COL21A1: variants seen among roughly 807,000 people sequenced by gnomAD.
COL21A1 encodes collagen type XXI alpha 1 chain.
A neutral mutation model predicts 137.9 loss-of-function variants in COL21A1; 149 were observed. That is an observed-to-expected ratio of 1.08 (90% CI 0.95 to 1.24). The LOEUF (loss-of-function observed/expected upper bound fraction) is 1.24. COL21A1 is among the 50% of genes most tolerant of loss of function. The probability of loss-of-function intolerance (pLI) is 0.00; values close to 1 mark genes in which losing one functional copy is unlikely to be tolerated. For missense variants in COL21A1, 1,167 were observed against 1,158.4 expected, an observed-to-expected ratio of 1.01 and a Z score of -0.11; for synonymous variants, 456 against 391.5, an observed-to-expected ratio of 1.16 and a Z score of -1.95.
chr6:56,093,574 G>T (rs913531599), intron 17 of COL21A1, among the ~76,000 whole-genome samples: 2 of 152,126 alleles, frequency 1.3e-5, no homozygotes, highest in Admixed American at 1.3e-4. Flanking sequence ...AATTCCATCA[G>T]ATTTCATGAC....
intron 1 of COL21A1, among the ~76,000 whole-genome samples, chr6:56,340,961 T>C (rs953411227): frequency 6.6e-6 from 1 of 152,220 alleles, no homozygotes; most frequent in African/African-American, 2.4e-5. Context: ...TGTCTCCTTA[T>C]GCCTACAGTA....
intron 1 of COL21A1, among the ~76,000 whole-genome samples, chr6:56,375,416 G>A (rs1016482978): frequency 6.6e-6 from 1 of 152,172 alleles, no homozygotes; most frequent in Admixed American, 6.5e-5. Flanking sequence ...TAGGAGGAAA[G>A]TGAGTCTGAG....
intron 1 of COL21A1, among the ~76,000 whole-genome samples, chr6:56,216,827 T>C (rs1780516765): frequency 6.6e-6 from 1 of 152,106 alleles, no homozygotes; most frequent in Non-Finnish European, 1.5e-5. Context: ...AAAAATCTTA[T>C]GAGATCATCT....
intron 1 of COL21A1, among the ~76,000 whole-genome samples, chr6:56,259,307 T>C (rs1763190814): frequency 2.0e-5 from 3 of 152,226 alleles, no homozygotes; most frequent in African/African-American, 7.2e-5. Flanking sequence ...CTTAGACTAC[T>C]GAGTGCCTTC....
intron 20 of COL21A1, among the ~76,000 whole-genome samples, chr6:56,073,360 C>T (rs1167424981): frequency 2.0e-5 from 3 of 151,418 alleles, no homozygotes; most frequent in African/African-American, 7.3e-5. Context: ...GATGGAAGAG[C>T]AGCTACCTTT....
intron 20 of COL21A1, among the ~76,000 whole-genome samples, chr6:56,072,868 A>G (rs1766873211): frequency 6.6e-6 from 1 of 151,596 alleles, no homozygotes; most frequent in African/African-American, 2.4e-5. Flanking sequence ...AACTTCTTAG[A>G]TCTATTTTTA....
At chr6:56,243,908 T>C (rs2152326436) in intron 1 of COL21A1, among the ~76,000 whole-genome samples, 1 of 152,260 alleles carries the variant, frequency 6.6e-6, no homozygotes, top group East Asian at 1.9e-4. Flanking sequence ...AAATAAACAT[T>C]TCAACTTTGT....
intron 1 of COL21A1, among the ~76,000 whole-genome samples, chr6:56,387,087 T>C (rs982418641): frequency 6.6e-6 from 1 of 152,208 alleles, no homozygotes; most frequent in African/African-American, 2.4e-5. Flanking sequence ...TTAAAACTGA[T>C]GTTGCATGCG....
intron 17 of COL21A1, among the ~76,000 whole-genome samples, chr6:56,098,322 T>G (rs1562191285): frequency 1.7e-5 from 1 of 58,078 alleles, no homozygotes; most frequent in Non-Finnish European, 2.8e-5. Context: ...TAAATATATA[T>G]AAATATATAA....
chr6:56,114,534 A>G (rs1406978151), intron 16 of COL21A1, among the ~76,000 whole-genome samples: 1 of 152,230 alleles, frequency 6.6e-6, no homozygotes, highest in African/African-American at 2.4e-5. Context: ...ACACTTCTCA[A>G]AAGAAGACAT....
At chr6:56,385,351 G>A (rs1042040081) in intron 1 of COL21A1, among the ~76,000 whole-genome samples, 2 of 152,164 alleles carry the variant, frequency 1.3e-5, no homozygotes, top group African/African-American at 2.4e-5. Context: ...AAATCAAAGT[G>A]TTGGCAGAGC....
intron 1 of COL21A1, among the ~76,000 whole-genome samples, chr6:56,240,251 G>C (rs1782206493): frequency 6.6e-6 from 1 of 151,660 alleles, no homozygotes; most frequent in South Asian, 2.1e-4. Context: ...TTATAAAAGA[G>C]GTTTCAGGCA....
chr6:56,332,188 G>T (rs1368241651), intron 1 of COL21A1: 1 of 151,848 alleles, frequency 6.6e-6, no homozygotes, highest in African/African-American at 2.4e-5. Flanking sequence ...AATAACTTTG[G>T]TCATTTGATG....
chr6:56,352,130 T>A (rs529882370), intron 1 of COL21A1, among the ~76,000 whole-genome samples: 2 of 152,014 alleles, frequency 1.3e-5, no homozygotes, highest in East Asian at 3.9e-4. Flanking sequence ...TACTGCATTA[T>A]TTTTTTAAAA....
At chr6:56,260,609 G>GAAGAAA in intron 1 of COL21A1, among the ~76,000 whole-genome samples, 1 of 106,416 alleles carries the variant, frequency 9.4e-6, no homozygotes, top group Non-Finnish European at 2.1e-5. Flanking sequence ...AGAAGAAGAA[G>GAAGAAA]AAAGAAAGAG....
At chr6:56,085,665 T>C (rs1340040929) in intron 17 of COL21A1, among the ~76,000 whole-genome samples, 4 of 151,992 alleles carry the variant, frequency 2.6e-5, no homozygotes, top group Admixed American at 2.0e-4. Flanking sequence ...TCTATATCAG[T>C]AGTTATTAAA....
chr6:56,303,380 A>G (rs1389318697), intron 1 of COL21A1, among the ~76,000 whole-genome samples: 9 of 151,502 alleles, frequency 5.9e-5, no homozygotes, highest in African/African-American at 2.2e-4. Flanking sequence ...ATGTTCTTGC[A>G]TTTGTTTGTA....
At chr6:56,392,834 A>T (rs2152354218) in intron 1 of COL21A1, among the ~76,000 whole-genome samples, 1 of 152,308 alleles carries the variant, frequency 6.6e-6, no homozygotes, top group East Asian at 1.9e-4. Context: ...CATTGATAAA[A>T]GAAATTGAAG....
intron 1 of COL21A1, among the ~76,000 whole-genome samples, chr6:56,338,292 G>A (rs927859845): frequency 3.9e-5 from 6 of 152,016 alleles, no homozygotes; most frequent in Admixed American, 2.0e-4. Flanking sequence ...CTCTTCCAGC[G>A]CTTTGGAGAA....
Sources: allele counts gnomAD v4.1 joint callset (sites outside exome capture counted in the v4.1 genomes callset), GRCh38; gene constraint gnomAD v4.1.1; transcripts MANE v1.5; gene names NCBI Gene and HGNC (gene_info 2026-07-23, HGNC 2026-07-21).